The following CCDC3 variants were observed in gnomAD, a reference collection of about 807,000 sequenced individuals.
The protein encoded by CCDC3 is coiled-coil domain containing 3.
A neutral mutation model predicts 21.4 loss-of-function variants in CCDC3; 24 were observed. That is an observed-to-expected ratio of 1.12 (90% CI 0.81 to 1.58). The LOEUF is 1.58. CCDC3 is among the 40% of genes most tolerant of loss of function. The pLI, the probability that CCDC3 is intolerant of heterozygous loss-of-function variation, is 0.00. For synonymous variants in CCDC3, 186 were observed against 166.0 expected (o/e 1.12, Z -0.93); for missense variants, 425 against 360.9 (o/e 1.18, Z -1.44).
At chr10:12,948,363 T>C (rs182420939) in intron 2 of CCDC3, among the ~76,000 whole-genome samples, 12 of 152,162 alleles carry the variant, frequency 7.9e-5, no homozygotes, top group African/African-American at 2.7e-4. Flanking sequence ...ATACAGCCCA[T>C]ATACTAAACT....
chr10:13,058,175 T>G, intron 4 of CCDC3: 1 of 1,052,844 alleles, frequency 9.5e-7, no homozygotes, highest in Non-Finnish European at 1.5e-6. Flanking sequence ...CAAGCCTCCA[T>G]CCACAGCTCC....
At chr10:12,932,381 C>T (rs1564288793) in intron 2 of CCDC3, among the ~76,000 whole-genome samples, 2 of 151,998 alleles carry the variant, frequency 1.3e-5, no homozygotes, top group Admixed American at 1.3e-4. Context: ...AACACAAAGC[C>T]TATTTTATTA....
At chr10:12,998,246 A>C in intron 2 of CCDC3, 92 bp downstream of exon 2, 1 of 1,395,374 alleles carries the variant, frequency 7.2e-7, no homozygotes, top group Non-Finnish European at 9.8e-7. Context: ...GGGCTTTTGG[A>C]AGAGTATTCT....
At position 12,898,018 on chromosome 10, in the gene CCDC3, G is replaced by T. The variant is rs115944694; in HGVS notation, c.*398C>A. 0.016 allele frequency: 2,767 copies of T among 178,012 alleles called. 34 individuals carry two copies. The highest frequency in any genetic ancestry group is 0.041 in the Middle Eastern group (15 of 368). 11.0% of individuals were successfully genotyped at this position (178,012 alleles called of 1,614,324 possible). A position where few individuals can be genotyped will look rare whatever the true frequency, so the allele number is the denominator to read the frequency against. ...CTCATCAGGACTAATGGTTGTCCTGGACTGGGGAGCTGGGAACCACCCTGA... is the reference window on the plus strand; with the variant it reads ...CTCATCAGGACTAATGGTTGTCCTGTACTGGGGAGCTGGGAACCACCCTGA... On this transcript the variant is annotated 3_prime_UTR_variant, in exon 3 of 3. Coordinates refer to ENST00000378825, the MANE Select transcript of CCDC3 (RefSeq NM_031455.4).
intron 2 of CCDC3, among the ~76,000 whole-genome samples, chr10:12,932,966 A>T (rs1251013): frequency 0.71 from 108,490 of 152,096 alleles, 38,990 homozygotes; most frequent in East Asian, 0.92. Context: ...GCATTAATTG[A>T]TTTTTGGATG....
chr10:13,042,616 C>T (rs1836472487), intron 5 of CCDC3, among the ~76,000 whole-genome samples: 1 of 152,156 alleles, frequency 6.6e-6, no homozygotes, highest in African/African-American at 2.4e-5. Flanking sequence ...TCGAAAACTC[C>T]ATGGCTTCTC....
At position 13,001,460 on chromosome 10, in the gene CCDC3, G is replaced by A. The variant is rs575311353; in HGVS notation, c.111C>T (p.Ala37=). ...CGTACACGATGGTCTCGGCCAGCTCGGCGCGGCAGCCCTCGCTCAGGGGCC... is the reference window on the plus strand; with the variant it reads ...CGTACACGATGGTCTCGGCCAGCTCAGCGCGGCAGCCCTCGCTCAGGGGCC... ...EWRPLSEGCR[A]ELAETIVYAR... is the part of the protein sequence containing the mutation. Residue 37 remains alanine (A), a synonymous_variant, in exon 1 of 3, where the codon GCC becomes GCT. Coordinates refer to ENST00000378825, the MANE Select transcript of CCDC3 (RefSeq NM_031455.4). 7.7e-6 allele frequency: 11 copies of A among 1,436,752 alleles called. No homozygotes were observed. The African/African-American group carries it at 1.0e-4, about 13-fold the overall frequency. 89.0% of individuals were successfully genotyped at this position (1,436,752 alleles called of 1,614,324 possible). A position where few individuals can be genotyped will look rare whatever the true frequency, so the allele number is the denominator to read the frequency against.
chr10:13,062,553 G>T (rs984064143), intron 4 of CCDC3, among the ~76,000 whole-genome samples: 22 of 152,176 alleles, frequency 1.4e-4, no homozygotes, highest in African/African-American at 5.3e-4. Context: ...GACAGACAGT[G>T]AAAGCTTATC....
At chr10:12,958,641 T>C (rs1179594711) in intron 2 of CCDC3, among the ~76,000 whole-genome samples, 1 of 152,146 alleles carries the variant, frequency 6.6e-6, no homozygotes, top group African/African-American at 2.4e-5. Context: ...AAGAGATCTA[T>C]TGTTCTACAT....
At chr10:12,933,454 C>CTTTTTTTTTTTT (rs545950029) in intron 2 of CCDC3, among the ~76,000 whole-genome samples, 2 of 115,830 alleles carry the variant, frequency 1.7e-5, no homozygotes, top group African/African-American at 6.3e-5. Flanking sequence ...ATAATATTCC[C>CTTTTTTTTTTTT]TTTATTTTTT....
intron 5 of CCDC3, among the ~76,000 whole-genome samples, chr10:13,045,302 T>C (rs942073368): frequency 6.6e-6 from 1 of 152,230 alleles, no homozygotes; most frequent in African/African-American, 2.4e-5. Flanking sequence ...ATTACCATTA[T>C]AGGTAGTGTT....
chr10:13,025,089 C>T (rs1345157817), intron 5 of CCDC3, among the ~76,000 whole-genome samples: 1 of 152,194 alleles, frequency 6.6e-6, no homozygotes, highest in African/African-American at 2.4e-5. Flanking sequence ...TTACTTCTTC[C>T]AATTCTGTGG....
intron 5 of CCDC3, among the ~76,000 whole-genome samples, chr10:13,030,404 C>A (rs1212606877): frequency 1.3e-5 from 2 of 152,114 alleles, no homozygotes; most frequent in African/African-American, 4.8e-5. Context: ...ATTGTAAAGA[C>A]CATCAATGCT....
chr10:13,081,108 T>C (rs1008706967), intron 3 of CCDC3, among the ~76,000 whole-genome samples: 1 of 142,404 alleles, frequency 7.0e-6, no homozygotes, highest in East Asian at 2.0e-4. Flanking sequence ...AACAACTAAG[T>C]AAACATTTTT....
intron 5 of CCDC3, among the ~76,000 whole-genome samples, chr10:13,031,862 G>GA (rs1406201361): frequency 2.0e-5 from 3 of 151,846 alleles, no homozygotes; most frequent in Non-Finnish European, 2.9e-5. Flanking sequence ...GCCTACCAAT[G>GA]AAAAAAAGTC....
At chr10:13,004,649 ATT>A (rs1589037709), upstream of CCDC3, among the ~76,000 whole-genome samples, 1 of 147,570 alleles carries the variant, frequency 6.8e-6, no homozygotes, top group Non-Finnish European at 1.5e-5. Context: ...ATGGGGCCAC[ATT>A]AGGGGATCCA....
intron 2 of CCDC3, among the ~76,000 whole-genome samples, chr10:12,972,913 C>G (rs1305766678): frequency 6.6e-6 from 1 of 152,192 alleles, no homozygotes; most frequent in East Asian, 1.9e-4. Flanking sequence ...AGAAAGAACT[C>G]CAACTTTGAA....
chr10:13,067,644 G>A (rs1048748580), intron 4 of CCDC3, among the ~76,000 whole-genome samples: 18 of 152,206 alleles, frequency 1.2e-4, no homozygotes, highest in South Asian at 4.1e-4. Context: ...TTACAATGGC[G>A]GCCGGGTTCA....
chr10:13,042,906 CAAAA>C (rs55911312), intron 5 of CCDC3, among the ~76,000 whole-genome samples: 93 of 100,390 alleles, frequency 9.3e-4, no homozygotes, highest in Admixed American at 1.8e-3. Flanking sequence ...GAGACTGTCT[CAAAA>C]AAAAAAAAAA....
Sources: allele counts gnomAD v4.1 joint callset (sites outside exome capture counted in the v4.1 genomes callset), GRCh38; gene constraint gnomAD v4.1.1; transcripts MANE v1.5; gene names NCBI Gene and HGNC (gene_info 2026-07-23, HGNC 2026-07-21).